ESD: variants seen among roughly 807,000 people sequenced by gnomAD.
ESD encodes S-formylglutathione hydrolase.
Under a neutral mutation model 38.1 loss-of-function variants are expected in ESD, and 34 were observed. That is an observed-to-expected ratio of 0.89 (90% CI 0.68 to 1.19). The LOEUF (loss-of-function observed/expected upper bound fraction) is 1.19, where lower values mean the gene tolerates loss of function less well. Ranked by LOEUF, ESD falls within the 50% of genes most tolerant of loss-of-function variation. The pLI, the probability that ESD is intolerant of heterozygous loss-of-function variation, is 0.00. For synonymous variants in ESD, 97 were observed against 107.0 expected (o/e 0.91, Z 0.58); for missense variants, 334 against 327.2 (o/e 1.02, Z -0.16).
Position 46,784,260 on chromosome 13 carries a change from G to A in ESD, c.248C>T (p.Thr83Ile). The A allele has an allele frequency of 1.2e-6, 2 of 1,610,742 alleles. No individual in the cohort carries two copies. The highest frequency in any genetic ancestry group is 1.7e-6 in the Non-Finnish European group (2 of 1,177,930). The change falls in exon 5 of 10, where the codon ACC becomes ATC. Residue 83 changes from threonine (T) to isoleucine (I), a missense_variant. Coordinates refer to ENST00000378720, the MANE Select transcript of ESD (RefSeq NM_001984.2). Reference sequence around the variant, plus strand: ...AGACCACAAACACTTACGAGGGCTGGTATCTGGAGCAATGACAACAAGACC... The same window carrying A: ...AGACCACAAACACTTACGAGGGCTGATATCTGGAGCAATGACAACAAGACC... ...EHGLVVIAPD[T>I]SPRGCNIKGE...
rs555278605 is a variant in ESD, at chr13:46,779,164, G to T, written c.600+771C>A. Among the ~76,000 whole-genome samples, 17 of 151,764 alleles carry T rather than the reference G, an allele frequency of 1.1e-4. No homozygotes were observed. In the South Asian group the frequency reaches 3.5e-3, roughly 32 times the overall value. On this transcript the variant is annotated intron_variant, in intron 8 of 9. Coordinates refer to ENST00000378720, the MANE Select transcript of ESD (RefSeq NM_001984.2). ...TATTTCCACTTGAAAGCACCTGTTT[G>T]CATGCTTGAAAAAGCAATCTTGCTG...
At chr13:46,775,987 GCC>G (rs1874785019) in intron 9 of ESD, 1 of 228,630 alleles carries the variant, frequency 4.4e-6, no homozygotes, top group Non-Finnish European at 8.8e-6. Flanking sequence ...GAAATTTTGG[GCC>G]CAGTCTTTGG....
rs549781978 is a variant in ESD, at chr13:46,786,197, A to G, written c.157+824T>C. On this transcript the variant is annotated intron_variant, in intron 4 of 9. Transcript: ENST00000378720. ...AATCACAGAAATGTTTTCTTGAGTT[A>G]AAGTCAGATATGCACTTAATCTTTA... Among the ~76,000 whole-genome samples, 27 of 152,202 alleles carry G rather than the reference A, an allele frequency of 1.8e-4. No individual in the cohort carries two copies. The South Asian group carries it at 5.6e-3, about 31-fold the overall frequency.
rs1241910418 is a variant in ESD, at chr13:46,782,745, A to G, written c.303T>C (p.Thr101=). 6.2e-7 allele frequency: 1 copy of G among 1,612,338 alleles called. No homozygotes were observed. The highest frequency in any genetic ancestry group is 2.2e-5 in the East Asian group (1 of 44,850). ...KGEDESWDFG[T]GAGFYVDATE... is the part of the protein sequence containing the mutation. The stretch of plus-strand genomic sequence containing the variant: ...TGGCATCAACATAAAATCCAGCACC[A>G]GTGCCAAAGTCCCAGCTCTCATCTT... Residue 101 remains threonine (T), a synonymous_variant, in exon 6 of 10, where the codon ACT becomes ACC. Coordinates refer to ENST00000378720, the MANE Select transcript of ESD (RefSeq NM_001984.2).
chr13:46,780,505 T>C (rs1874961097), intron 7 of ESD, among the ~76,000 whole-genome samples: 1 of 151,714 alleles, frequency 6.6e-6, no homozygotes. Context: ...TATACAATGT[T>C]CTTTTTCACT....
At chr13:46,788,705 T>A in intron 3 of ESD, among the ~76,000 whole-genome samples, 1 of 148,548 alleles carries the variant, frequency 6.7e-6, no homozygotes, top group African/African-American at 2.5e-5. Flanking sequence ...AACAGGATTA[T>A]CAAGCAATCT....
chr13:46,777,178 T>C (rs1466920325), intron 9 of ESD: 1 of 222,230 alleles, frequency 4.5e-6, no homozygotes, highest in Non-Finnish European at 8.8e-6. Flanking sequence ...CTGCTAATGC[T>C]GAAGATTAAT....
At chr13:46,775,490 A>T (rs1213876352) in intron 9 of ESD, 2 of 359,430 alleles carry the variant, frequency 5.6e-6, no homozygotes, top group African/African-American at 4.3e-5. Context: ...AAATACAGTT[A>T]TACTATACTT....
intron 1 of ESD, among the ~76,000 whole-genome samples, chr13:46,794,602 T>A (rs1247769783): frequency 6.6e-6 from 1 of 152,182 alleles, no homozygotes; most frequent in Non-Finnish European, 1.5e-5. Context: ...TTCCCCTGTG[T>A]CTCAAGTTTT....
At chr13:46,772,685 T>A (rs1229662424) in intron 9 of ESD, among the ~76,000 whole-genome samples, 2 of 152,026 alleles carry the variant, frequency 1.3e-5, no homozygotes, top group Non-Finnish European at 2.9e-5. Flanking sequence ...TGAGAGCATG[T>A]GGTGTTTGGT....
chr13:46,790,864 T>C (rs1875371934), intron 3 of ESD, among the ~76,000 whole-genome samples: 2 of 152,270 alleles, frequency 1.3e-5, no homozygotes, highest in Admixed American at 6.5e-5. Context: ...GCTTCTAAAA[T>C]GTTATTCTTA....
chr13:46,775,638 C>T (rs1015826272), intron 9 of ESD: 13 of 470,382 alleles, frequency 2.8e-5, no homozygotes, highest in African/African-American at 2.0e-4. Flanking sequence ...TCAATTACAA[C>T]GAATCTCAAC....
intron 4 of ESD, chr13:46,785,621 C>T (rs1875167341): frequency 6.6e-6 from 1 of 151,966 alleles, no homozygotes; most frequent in Non-Finnish European, 1.5e-5. Flanking sequence ...GTCACCATTT[C>T]TCACGTGCAC....
intron 3 of ESD, chr13:46,790,495 C>CA (rs1875358974): frequency 6.6e-6 from 1 of 152,176 alleles, no homozygotes; most frequent in Non-Finnish European, 1.5e-5. Flanking sequence ...GGAAGAAACT[C>CA]AGTGTGCAAA....
At chr13:46,776,631 C>G (rs1874807649) in intron 9 of ESD, 1 of 152,074 alleles carries the variant, frequency 6.6e-6, no homozygotes, top group African/African-American at 2.4e-5. Flanking sequence ...TGAGTTAATG[C>G]TGTGAAAGCA....
chr13:46,779,721 A>G (rs1166500876), intron 8 of ESD, among the ~76,000 whole-genome samples: 5 of 146,062 alleles, frequency 3.4e-5, no homozygotes, highest in East Asian at 2.0e-4. Context: ...ATATATATAT[A>G]TAAAATAATA....
intron 9 of ESD, chr13:46,775,464 C>T (rs1405358979): frequency 1.1e-5 from 3 of 278,804 alleles, no homozygotes; most frequent in Non-Finnish European, 2.2e-5. Flanking sequence ...TTTTTTACAG[C>T]TTCTATCCCA....
chr13:46,783,269 G>A (rs1027504712), intron 5 of ESD, among the ~76,000 whole-genome samples: 4 of 151,886 alleles, frequency 2.6e-5, no homozygotes, highest in Non-Finnish European at 5.9e-5. Flanking sequence ...ATCTTGAACT[G>A]AAAATGTTTT....
chr13:46,779,891 T>G, intron 8 of ESD, 44 bp downstream of exon 8: 1 of 1,473,862 alleles, frequency 6.8e-7, no homozygotes, highest in South Asian at 1.2e-5. Context: ...TTAAACAAAC[T>G]TGAAACTTAA....
Sources: allele counts gnomAD v4.1 joint callset (sites outside exome capture counted in the v4.1 genomes callset), GRCh38; gene constraint gnomAD v4.1.1; transcripts MANE v1.5; gene names NCBI Gene and HGNC (gene_info 2026-07-23, HGNC 2026-07-21).